IFT172: variants seen among roughly 807,000 people sequenced by gnomAD.
The protein encoded by IFT172 is intraflagellar transport 172.
A neutral mutation model predicts 248.9 loss-of-function variants in IFT172; 164 were observed. That is an observed-to-expected ratio of 0.66 (90% CI 0.58 to 0.75). The LOEUF is 0.75. IFT172 is among the 30% of genes least tolerant of loss of function. The pLI is 0.00. For synonymous variants in IFT172, 729 were observed against 791.6 expected, an observed-to-expected ratio of 0.92 and a Z score of 1.33; for missense variants, 1,950 against 2,192.4, an observed-to-expected ratio of 0.89 and a Z score of 2.21.
intron 17 of IFT172, 73 bp downstream of exon 17, chr2:27,465,673 A>AC (rs1243518408): frequency 6.3e-7 from 1 of 1,596,650 alleles, no homozygotes; most frequent in Non-Finnish European, 8.6e-7. Context: ...CCAGTTTTAC[A>AC]CCCCACCCCA....
At chr2:27,480,628 A>AT (rs1668288830) in intron 8 of IFT172, among the ~76,000 whole-genome samples, 3 of 151,932 alleles carry the variant, frequency 2.0e-5, no homozygotes, top group Non-Finnish European at 2.9e-5. Context: ...GCATATCTTA[A>AT]ATATATATAG....
chr2:27,446,154 AC>A (rs1381137499), intron 43 of IFT172, 105 bp downstream of exon 43: 5 of 1,327,878 alleles, frequency 3.8e-6, no homozygotes, highest in Non-Finnish European at 5.4e-6. Context: ...ATCCTCCGTA[AC>A]ATCAGCCCTA....
rs759639938 is a variant in IFT172, at chr2:27,445,342, T to C, written c.5022A>G (p.Leu1674=). Residue 1674 remains leucine (L), a synonymous_variant, in exon 46 of 48, where the codon CTA becomes CTG. Transcript: ENST00000260570. The surrounding 1 kb of genome is among the most constrained non-coding windows in gnomAD (Gnocchi z 4.4). ...CTCGAACACCAGTGCTCGCTGCCAC[T>C]AGGGAGGCCTCGTAGGCGCCACGCT... The part of the protein sequence containing the change: ...RDERGAYEAS[L]VAASTGVRAL... 1.2e-6 allele frequency: 2 copies of C among 1,613,288 alleles called. No homozygotes were observed. The highest frequency in any genetic ancestry group is 2.2e-5 in the South Asian group (2 of 90,990).
At chr2:27,478,254 C>T in intron 10 of IFT172, 98 bp from the exon 11 acceptor site, 3 of 1,381,726 alleles carry the variant, frequency 2.2e-6, no homozygotes, top group Non-Finnish European at 2.0e-6. Flanking sequence ...CTAAACAAAG[C>T]TAATACCTTG....
intron 1 of IFT172, 124 bp from the exon 2 acceptor site, chr2:27,485,627 A>C: frequency 8.8e-7 from 1 of 1,133,368 alleles, no homozygotes; most frequent in Middle Eastern, 2.8e-4. Context: ...CTATCCTCAA[A>C]ACAAAGAGAT....
chr2:27,459,870 G>T, intron 23 of IFT172, 41 bp from the exon 24 acceptor site: 1 of 1,603,428 alleles, frequency 6.2e-7, no homozygotes, highest in Non-Finnish European at 8.5e-7. Context: ...GATTTCCAGG[G>T]ATGGGCCTCA....
In IFT172 at chr2:27,445,686, C is replaced by T; in HGVS notation, c.4914+59G>A. 2.5e-6 allele frequency: 4 copies of T among 1,579,910 alleles called. No individual in the cohort carries two copies. Among genetic ancestry groups the T allele is most frequent in the South Asian group, 2.2e-5 (2 of 89,860 alleles). ...AAAGATGGCAGCACAAAGATATTCT[C>T]CCTCCTCAAGGCACTCACACTGGTG... On this transcript the variant is annotated intron_variant, in intron 45 of 47. Transcript: ENST00000260570. This position sits in a 1 kb window ranked among gnomAD's most constrained non-coding sequence, Gnocchi z 4.4.
intron 35 of IFT172, among the ~76,000 whole-genome samples, chr2:27,450,949 C>CTTTTTTTTTTTTTTTTTTTTTTTTT (rs540664992): frequency 6.9e-6 from 1 of 145,224 alleles, no homozygotes; most frequent in Non-Finnish European, 1.5e-5. Context: ...TTATTTTTAC[C>CTTTTTTTTTTTTTTTTTTTTTTTTT]TGTTTTTTTT....
chr2:27,483,209 G>T (rs1668511264), intron 7 of IFT172, 80 bp downstream of exon 7: 5 of 827,990 alleles, frequency 6.0e-6, no homozygotes, highest in Non-Finnish European at 1.0e-5. Flanking sequence ...TAGAGACAGG[G>T]TTTCACTGTG....
rs201231401 is a variant in IFT172 at position 27,471,101 on chromosome 2, G to A, written c.1525-6C>T. On this transcript the variant is annotated splice_region_variant and splice_polypyrimidine_tract_variant and intron_variant, in intron 15 of 47. Transcript: ENST00000260570. Reference sequence around the variant, plus strand: ...TCAATATCATACAGATGCAACTGAAGAAAGAAAAGGCAGGTAACACAATTA... The same window carrying A: ...TCAATATCATACAGATGCAACTGAAAAAAGAAAAGGCAGGTAACACAATTA... The A allele has an allele frequency of 2.6e-4, 417 of 1,603,580 alleles. No homozygotes were observed. Among genetic ancestry groups the A allele is most frequent in the Non-Finnish European group, 1.9e-5 (22 of 1,177,588 alleles).
At chr2:27,458,255 AT>A in intron 26 of IFT172, 32 bp from the exon 27 acceptor site, 1 of 1,577,386 alleles carries the variant, frequency 6.3e-7, no homozygotes, top group Non-Finnish European at 8.7e-7. Flanking sequence ...GCAGCCTCAG[AT>A]CCAATTCCCC....
intron 12 of IFT172, 55 bp downstream of exon 12, chr2:27,477,504 C>T (rs1668047894): frequency 7.3e-6 from 10 of 1,361,306 alleles, no homozygotes; most frequent in South Asian, 1.2e-5. Context: ...CTTTATGACA[C>T]AGAAGCTAGA....
Position 27,461,825 on chromosome 2 carries a change from C to T in IFT172, c.2127G>A (p.Glu709=), listed in dbSNP as rs752839444. The stretch of plus-strand genomic sequence containing the variant: ...GCTCCTGGTACATGCCCATGGCCTC[C>T]TCCACAGCATTCTAGGGGAAACAGG... ...EMIFLEQNAV[E]EAMGMYQELH... is the part of the protein sequence containing the mutation. The change falls in exon 21 of 48, where the codon GAG becomes GAA. Residue 709 remains glutamate (E), a synonymous_variant. Coordinates refer to ENST00000260570, the MANE Select transcript of IFT172 (RefSeq NM_015662.3). 3.6e-5 allele frequency: 58 copies of T among 1,614,050 alleles called. No homozygotes were observed. Among genetic ancestry groups the T allele is most frequent in the Non-Finnish European group, 4.8e-5 (57 of 1,180,034 alleles).
chr2:27,458,795 C>T lies in IFT172; in HGVS notation c.2861G>A (p.Trp954Ter). The T allele has an allele frequency of 2.5e-6, 4 of 1,614,116 alleles. No individual in the cohort carries two copies. The highest frequency in any genetic ancestry group is 2.5e-6 in the Non-Finnish European group (3 of 1,180,012). The change falls in exon 26 of 48, where the codon TGG becomes TAG. Residue 954 changes from tryptophan to a stop codon, truncating the protein, a stop_gained. Transcript: ENST00000260570. LOFTEE classifies it high-confidence loss of function. ...AIDMYTQAGR[W>*]EQAHKLAMKC... ...CATCCCTACCTTGTGGGCTTGTTCCCAACGACCAGCCTGGGTGTACATGTC... is the reference window on the plus strand; with the variant it reads ...CATCCCTACCTTGTGGGCTTGTTCCTAACGACCAGCCTGGGTGTACATGTC...
rs574480415 is a variant in IFT172 at position 27,455,949 on chromosome 2, C to G, written c.3371+562G>C. 19 of 277,644 alleles carry G rather than the reference C, an allele frequency of 6.8e-5. No individual in the cohort carries two copies. The East Asian group carries it at 1.8e-3, about 26-fold the overall frequency. 17.2% of individuals were successfully genotyped at this position (277,644 alleles called of 1,614,324 possible). Reference sequence around the variant, plus strand: ...AAAAGTTCGGCCAGGCGCAGTGGCTCACGCCTGTAATCTCAGCACTTTGGG... The same window carrying G: ...AAAAGTTCGGCCAGGCGCAGTGGCTGACGCCTGTAATCTCAGCACTTTGGG... On this transcript the variant is annotated intron_variant, in intron 30 of 47. Coordinates refer to ENST00000260570, the MANE Select transcript of IFT172 (RefSeq NM_015662.3).
intron 13 of IFT172, 124 bp from the exon 14 acceptor site, chr2:27,476,850 C>T (rs1311836159): frequency 1.5e-6 from 1 of 652,022 alleles, no homozygotes; most frequent in Non-Finnish European, 2.7e-6. Context: ...GAGACAGGGT[C>T]TCACTCTGGT....
intron 14 of IFT172, among the ~76,000 whole-genome samples, chr2:27,474,825 T>G (rs1350686708): frequency 6.6e-6 from 1 of 152,064 alleles, no homozygotes; most frequent in African/African-American, 2.4e-5. Flanking sequence ...GTGCTGGGAT[T>G]ACAGGCATAA....
intron 14 of IFT172, among the ~76,000 whole-genome samples, chr2:27,473,720 G>C (rs1462482317): frequency 2.6e-5 from 4 of 152,126 alleles, no homozygotes; most frequent in African/African-American, 9.7e-5. Context: ...TGTGTGTACA[G>C]TATATATTTT....
intron 36 of IFT172, 87 bp from the exon 37 acceptor site, chr2:27,449,887 C>T: frequency 2.1e-6 from 3 of 1,404,238 alleles, no homozygotes; most frequent in Non-Finnish European, 3.0e-6. Context: ...CCCAGGACTG[C>T]AAGCCATGCC....
Sources: allele counts gnomAD v4.1 joint callset (sites outside exome capture counted in the v4.1 genomes callset), GRCh38; gene constraint gnomAD v4.1.1; non-coding constraint Gnocchi (gnomAD v3.1); transcripts MANE v1.5; gene names NCBI Gene and HGNC (gene_info 2026-07-23, HGNC 2026-07-21).